Variants in SLC9C1 observed in about 807,000 individuals in gnomAD.
SLC9C1 encodes the protein solute carrier family 9 member C1, also known as sodium/hydrogen exchanger 10.
SLC9C1 carries 97 observed loss-of-function variants against 140.9 expected under a neutral mutation model. That is an observed-to-expected ratio of 0.69 (90% CI 0.58 to 0.82). The LOEUF (loss-of-function observed/expected upper bound fraction) is 0.82. Ranked by LOEUF, SLC9C1 falls within the 40% of genes least tolerant of loss-of-function variation. The pLI, the probability that SLC9C1 is intolerant of heterozygous loss-of-function variation, is 0.00. For missense variants in SLC9C1, 1,340 were observed against 1,389.3 expected (o/e 0.96, Z 0.56); for synonymous variants, 440 against 442.6 (o/e 0.99, Z 0.07).
At chr3:112,247,386 A>G (rs1243962471) in intron 10 of SLC9C1, among the ~76,000 whole-genome samples, 2 of 152,186 alleles carry the variant, frequency 1.3e-5, no homozygotes, top group African/African-American at 4.8e-5. Flanking sequence ...TGAAATATAA[A>G]ACTATTTTAT....
intron 22 of SLC9C1, 32 bp from the exon 23 acceptor site, chr3:112,179,733 T>C: frequency 6.5e-7 from 1 of 1,537,338 alleles, no homozygotes; most frequent in Non-Finnish European, 8.7e-7. Context: ...GAAAAATACA[T>C]ATGCCAGTTA....
intron 12 of SLC9C1, among the ~76,000 whole-genome samples, chr3:112,239,578 T>C (rs1264748967): frequency 2.6e-5 from 4 of 152,244 alleles, no homozygotes; most frequent in Non-Finnish European, 4.4e-5. Flanking sequence ...GAGCTGTTCC[T>C]ATTTGGCCAT....
At chr3:112,233,125 G>A (rs1452739651) in intron 12 of SLC9C1, among the ~76,000 whole-genome samples, 1 of 150,280 alleles carries the variant, frequency 6.7e-6, no homozygotes, top group African/African-American at 2.4e-5. Context: ...CTGGAGTGCA[G>A]TGGCACAATC....
chr3:112,254,770 A>T (rs1252266553), intron 10 of SLC9C1, among the ~76,000 whole-genome samples: 1 of 152,210 alleles, frequency 6.6e-6, no homozygotes, highest in Non-Finnish European at 1.5e-5. Flanking sequence ...AATGGGTTAA[A>T]TGCCCCATTT....
chr3:112,163,590 G>A (rs1386098756), intron 26 of SLC9C1, among the ~76,000 whole-genome samples: 4 of 152,090 alleles, frequency 2.6e-5, no homozygotes, highest in African/African-American at 9.7e-5. Context: ...TTTTGAGTGA[G>A]ATTCTTAATC....
At chr3:112,277,607 A>G (rs2080249363) in intron 5 of SLC9C1, 88 bp downstream of exon 5, 1 of 1,194,872 alleles carries the variant, frequency 8.4e-7, no homozygotes, top group African/African-American at 1.6e-5. Flanking sequence ...CTCACAGTGA[A>G]AAGCTACCAA....
At chr3:112,266,612 G>C (rs2079926095) in intron 7 of SLC9C1, among the ~76,000 whole-genome samples, 1 of 152,170 alleles carries the variant, frequency 6.6e-6, no homozygotes. Flanking sequence ...GCACACTTTA[G>C]AGGTCTGGTT....
intron 28 of SLC9C1, among the ~76,000 whole-genome samples, chr3:112,145,428 T>C (rs940917631): frequency 6.6e-6 from 1 of 152,132 alleles, no homozygotes; most frequent in African/African-American, 2.4e-5. Context: ...CTTTTTTCAT[T>C]GTGTTTTGCC....
chr3:112,258,300 C>T (rs991887210), intron 10 of SLC9C1, among the ~76,000 whole-genome samples: 5 of 152,180 alleles, frequency 3.3e-5, no homozygotes, highest in Admixed American at 1.3e-4. Flanking sequence ...CCTAAATGCC[C>T]ACCATGGCAG....
At chr3:112,267,865 A>C (rs1047676355) in intron 7 of SLC9C1, among the ~76,000 whole-genome samples, 4 of 152,202 alleles carry the variant, frequency 2.6e-5, no homozygotes, top group African/African-American at 9.6e-5. Context: ...ATTAGGTATT[A>C]TAACTTGTTA....
At chr3:112,236,151 G>C (rs531667629) in intron 12 of SLC9C1, among the ~76,000 whole-genome samples, 1 of 152,248 alleles carries the variant, frequency 6.6e-6, no homozygotes, top group South Asian at 2.1e-4. Context: ...TTCAGAGCCT[G>C]TTATTGGTCT....
intron 10 of SLC9C1, among the ~76,000 whole-genome samples, chr3:112,251,468 A>G (rs1429766742): frequency 2.0e-5 from 3 of 152,144 alleles, no homozygotes; most frequent in Non-Finnish European, 4.4e-5. Context: ...TAGGTGCTTC[A>G]GATACTTGGG....
rs544150764 is a variant in SLC9C1, at chr3:112,263,414, C to T, written c.1023-316G>A. Among the ~76,000 whole-genome samples the T allele has an allele frequency of 5.3e-5, 8 of 152,004 alleles. No homozygotes were observed. In the East Asian group the frequency reaches 5.8e-4, roughly 11 times the overall value. On this transcript the variant is annotated intron_variant, in intron 9 of 28. Transcript: ENST00000305815. ...GTTGTACATAAATTCTGAATCCCCA[C>T]CCCAAATAAAAACAAATTTAATGAA...
intron 2 of SLC9C1, among the ~76,000 whole-genome samples, chr3:112,281,463 T>C (rs7637676): frequency 0.77 from 117,458 of 152,058 alleles, 45,643 homozygotes; most frequent in East Asian, 0.99. Context: ...TATGTGATCC[T>C]GGAGGAGCGG....
intron 13 of SLC9C1, among the ~76,000 whole-genome samples, chr3:112,223,487 G>A (rs2078596728): frequency 6.6e-6 from 1 of 152,254 alleles, no homozygotes; most frequent in South Asian, 2.1e-4. Flanking sequence ...TAACATTTTA[G>A]TTAGAAAGTT....
intron 26 of SLC9C1, among the ~76,000 whole-genome samples, chr3:112,166,720 A>C (rs967735422): frequency 2.0e-5 from 3 of 152,018 alleles, no homozygotes; most frequent in African/African-American, 7.2e-5. Context: ...TATTTATCTC[A>C]AAATTCAATT....
chr3:112,291,719 A>G (rs184319031), intron 1 of SLC9C1, among the ~76,000 whole-genome samples: 1 of 152,350 alleles, frequency 6.6e-6, no homozygotes, highest in Non-Finnish European at 1.5e-5. Context: ...TGATTCCTCA[A>G]AGACCTAAAA....
intron 28 of SLC9C1, among the ~76,000 whole-genome samples, chr3:112,149,027 C>T (rs1414640607): frequency 6.6e-6 from 1 of 152,076 alleles, no homozygotes; most frequent in Non-Finnish European, 1.5e-5. Context: ...GGCCCCCCTG[C>T]ACCAAGATCT....
intron 23 of SLC9C1, among the ~76,000 whole-genome samples, chr3:112,170,837 A>G (rs1054273524): frequency 6.6e-6 from 1 of 152,314 alleles, no homozygotes; most frequent in Admixed American, 6.5e-5. Flanking sequence ...GCAACTGACA[A>G]ACTGTTTCAG....
Sources: gnomAD v4.1 joint callset for allele counts (sites outside exome capture counted in the v4.1 genomes callset) on GRCh38, gnomAD v4.1.1 for gene constraint, MANE v1.5 for transcripts, NCBI Gene and HGNC (gene_info 2026-07-23, HGNC 2026-07-21) for gene names.